ANO3: variants seen among roughly 807,000 people sequenced by gnomAD.
ANO3 encodes anoctamin 3, also known as anoctamin-3.
A neutral mutation model predicts 144.8 loss-of-function variants in ANO3; 99 were observed. The observed-to-expected ratio is 0.68, with a 90% CI of 0.58 to 0.81. The LOEUF (loss-of-function observed/expected upper bound fraction) is 0.81. Among genes scored for constraint, ANO3 ranks in the 30% least tolerant of loss-of-function variants. The pLI, the probability that ANO3 is intolerant of heterozygous loss-of-function variation, is 0.00. For synonymous variants in ANO3, 414 were observed against 392.6 expected (o/e 1.05, Z -0.64); for missense variants, 905 against 1,202.2 (o/e 0.75, Z 3.66).
chr11:26,536,449 G>A (rs1237197583), intron 9 of ANO3, among the ~76,000 whole-genome samples: 2 of 151,650 alleles, frequency 1.3e-5, no homozygotes, highest in East Asian at 1.9e-4. Context: ...TAATTATAAG[G>A]GTATCATTCC....
At chr11:26,280,579 G>A (rs1264909868) in intron 1 of ANO3, among the ~76,000 whole-genome samples, 1 of 152,122 alleles carries the variant, frequency 6.6e-6, no homozygotes, top group African/African-American at 2.4e-5. Context: ...GGCCACACTG[G>A]CAGCTGATTT....
exon 1 of ANO3, chr11:26,189,132 C>A: frequency 1.1e-6 from 1 of 901,856 alleles, no homozygotes; most frequent in Non-Finnish European, 1.3e-6. Context: ...TTAAAGAATT[C>A]AATAGTGTGA....
intron 12 of ANO3, among the ~76,000 whole-genome samples, chr11:26,548,471 T>A (rs1849846212): frequency 6.6e-6 from 1 of 151,982 alleles, no homozygotes; most frequent in South Asian, 2.1e-4. Context: ...GTCCATTTTT[T>A]AACCATGGCC....
upstream of ANO3, among the ~76,000 whole-genome samples, chr11:26,329,428 C>G (rs1311610210): frequency 6.6e-6 from 1 of 152,092 alleles, no homozygotes; most frequent in Non-Finnish European, 1.5e-5. Flanking sequence ...AGCTGTTCCT[C>G]TAGCAACCTC....
At chr11:26,219,715 GA>G (rs1347281934) in intron 1 of ANO3, among the ~76,000 whole-genome samples, 1 of 152,144 alleles carries the variant, frequency 6.6e-6, no homozygotes, top group Non-Finnish European at 1.5e-5. Context: ...TGGTGAGACA[GA>G]ACCCTCACAC....
At chr11:26,584,043 A>T (rs1055669065) in intron 14 of ANO3, among the ~76,000 whole-genome samples, 4 of 152,206 alleles carry the variant, frequency 2.6e-5, no homozygotes, top group Non-Finnish European at 5.9e-5. Flanking sequence ...TGGTTTTCAA[A>T]ACTTGTTAAG....
At chr11:26,585,914 T>C (rs1851262240) in intron 14 of ANO3, among the ~76,000 whole-genome samples, 1 of 152,208 alleles carries the variant, frequency 6.6e-6, no homozygotes, top group Admixed American at 6.5e-5. Context: ...ATGGGTGTTA[T>C]AGATGTTAGA....
intron 6 of ANO3, among the ~76,000 whole-genome samples, chr11:26,518,928 A>G (rs1292151730): frequency 6.6e-6 from 1 of 152,086 alleles, no homozygotes; most frequent in Non-Finnish European, 1.5e-5. Context: ...ACTCTTACAA[A>G]AGTATATATT....
chr11:26,644,500 T>C (rs191389171), intron 23 of ANO3, among the ~76,000 whole-genome samples: 16 of 152,320 alleles, frequency 1.1e-4, no homozygotes, highest in African/African-American at 3.6e-4. Context: ...TCAAAGAGTA[T>C]GCACATCTAA....
At chr11:26,200,396 G>T (rs1851670020) in intron 1 of ANO3, among the ~76,000 whole-genome samples, 1 of 152,086 alleles carries the variant, frequency 6.6e-6, no homozygotes, top group Admixed American at 6.6e-5. Context: ...TTTGGCACAG[G>T]TGTATAGTTG....
chr11:26,269,747 T>C (rs1038041679), intron 1 of ANO3, among the ~76,000 whole-genome samples: 3 of 152,180 alleles, frequency 2.0e-5, no homozygotes, highest in Non-Finnish European at 4.4e-5. Context: ...TGGATTCACA[T>C]TCACGCTCTG....
chr11:26,367,641 A>G (rs969055707), intron 1 of ANO3, among the ~76,000 whole-genome samples: 26 of 152,166 alleles, frequency 1.7e-4, no homozygotes, highest in Non-Finnish European at 2.6e-4. Context: ...TTGTTCCTGT[A>G]TTTCTACATA....
At chr11:26,531,414 C>A in intron 8 of ANO3, 78 bp downstream of exon 8, 2 of 1,450,940 alleles carry the variant, frequency 1.4e-6, no homozygotes, top group Non-Finnish European at 9.2e-7. Context: ...ACACCTGGGA[C>A]CATTTCCATT....
At chr11:26,240,034 A>G (rs1852626363) in intron 1 of ANO3, among the ~76,000 whole-genome samples, 1 of 152,136 alleles carries the variant, frequency 6.6e-6, no homozygotes, top group Non-Finnish European at 1.5e-5. Context: ...CTCATTTGCT[A>G]GGGTTTAAAT....
chr11:26,230,605 T>A (rs981936082), intron 1 of ANO3, among the ~76,000 whole-genome samples: 2 of 151,698 alleles, frequency 1.3e-5, no homozygotes, highest in African/African-American at 4.8e-5. Flanking sequence ...GAGACCAGCC[T>A]GGCCAACATG....
At chr11:26,549,254 T>G (rs911127289) in intron 12 of ANO3, among the ~76,000 whole-genome samples, 45 of 151,988 alleles carry the variant, frequency 3.0e-4, no homozygotes, top group Admixed American at 1.1e-3. Flanking sequence ...TTTTCTTCAG[T>G]GTTGTATGGC....
At chr11:26,351,597 A>T (rs936299446) in intron 1 of ANO3, among the ~76,000 whole-genome samples, 1 of 152,192 alleles carries the variant, frequency 6.6e-6, no homozygotes, top group Non-Finnish European at 1.5e-5. Context: ...GAATTTATAG[A>T]CAGAAAAAGG....
At chr11:26,650,066 C>T (rs375477464) in intron 24 of ANO3, among the ~76,000 whole-genome samples, 1 of 151,638 alleles carries the variant, frequency 6.6e-6, no homozygotes, top group South Asian at 2.1e-4. Context: ...CCGACATCTC[C>T]ATATTCATCG....
intron 1 of ANO3, 134 bp downstream of exon 1, chr11:26,332,455 A>AT: frequency 1.1e-6 from 1 of 881,148 alleles, no homozygotes; most frequent in Non-Finnish European, 1.8e-6. Flanking sequence ...AAAAAAAAAA[A>AT]AAAAATTAAA....
Sources: gnomAD v4.1 joint callset for allele counts (sites outside exome capture counted in the v4.1 genomes callset) on GRCh38, gnomAD v4.1.1 for gene constraint, MANE v1.5 for transcripts, NCBI Gene and HGNC (gene_info 2026-07-23, HGNC 2026-07-21) for gene names.